The following SP4 variants were observed in gnomAD, a reference collection of about 807,000 sequenced individuals.
SP4 encodes the protein transcription factor Sp4.
Under a neutral mutation model 72.8 loss-of-function variants are expected in SP4, and 19 were observed. The ratio of observed to expected loss-of-function variants is 0.26; its 90% CI spans 0.18 to 0.38. The LOEUF is 0.38. Ranked by LOEUF, SP4 falls within the 10% of genes least tolerant of loss-of-function variation. The pLI is 1.00. For missense variants in SP4, 1,008 were observed against 926.3 expected, an observed-to-expected ratio of 1.09 and a Z score of -1.14; for synonymous variants, 395 against 333.1, an observed-to-expected ratio of 1.19 and a Z score of -2.02.
At chr7:21,429,237 C>A in intron 2 of SP4, 52 bp from the exon 3 acceptor site, 2 of 1,060,300 alleles carry the variant, frequency 1.9e-6, no homozygotes, top group East Asian at 2.5e-5. Flanking sequence ...TCCACTAAAT[C>A]CGCCCACTTT....
chr7:21,442,966 C>T (rs1783308504), intron 3 of SP4, among the ~76,000 whole-genome samples: 1 of 152,150 alleles, frequency 6.6e-6, no homozygotes, highest in African/African-American at 2.4e-5. Context: ...GAACTCCTGA[C>T]CTCAGGTGAT....
At chr7:21,465,391 C>T (rs1784134286) in intron 3 of SP4, among the ~76,000 whole-genome samples, 2 of 152,078 alleles carry the variant, frequency 1.3e-5, no homozygotes, top group Admixed American at 6.6e-5. Flanking sequence ...GAGTGTAGGG[C>T]TCTGGATTCA....
At chr7:21,473,412 T>C (rs1226821062) in intron 3 of SP4, among the ~76,000 whole-genome samples, 2 of 152,226 alleles carry the variant, frequency 1.3e-5, no homozygotes. Context: ...CTTTGATTTA[T>C]TAAGCATATG....
intron 3 of SP4, among the ~76,000 whole-genome samples, chr7:21,469,703 G>A (rs149171611): frequency 0.011 from 1,644 of 151,672 alleles, 29 homozygotes; most frequent in African/African-American, 0.035. Context: ...CACCACACCC[G>A]GCTAATTTTT....
intron 3 of SP4, among the ~76,000 whole-genome samples, chr7:21,461,469 G>C (rs1783979900): frequency 6.6e-6 from 1 of 152,238 alleles, no homozygotes; most frequent in Non-Finnish European, 1.5e-5. Context: ...CTCCGCAGCT[G>C]CTGACCCAGG....
chr7:21,454,000 A>G (rs116660231), intron 3 of SP4, among the ~76,000 whole-genome samples: 255 of 152,338 alleles, frequency 1.7e-3, no homozygotes, highest in African/African-American at 5.7e-3. Flanking sequence ...CCAAAAGTAC[A>G]TTTTACTTTA....
At chr7:21,496,507 A>G (rs2128414934) in intron 5 of SP4, among the ~76,000 whole-genome samples, 1 of 152,292 alleles carries the variant, frequency 6.6e-6, no homozygotes, top group South Asian at 2.1e-4. Context: ...CTGAAGGCTC[A>G]AGAGGCTAAT....
At chr7:21,445,008 A>T (rs547086174) in intron 3 of SP4, among the ~76,000 whole-genome samples, 10 of 152,164 alleles carry the variant, frequency 6.6e-5, no homozygotes, top group Non-Finnish European at 1.2e-4. Flanking sequence ...AATTAGAAAG[A>T]AAGTTTTTAT....
intron 5 of SP4, among the ~76,000 whole-genome samples, chr7:21,483,305 C>T (rs560879922): frequency 6.6e-6 from 1 of 151,526 alleles, no homozygotes; most frequent in Non-Finnish European, 1.5e-5. Context: ...TTATACTTTT[C>T]CCTTTCAATA....
intron 3 of SP4, among the ~76,000 whole-genome samples, chr7:21,431,801 C>T (rs1782865413): frequency 6.6e-6 from 1 of 152,104 alleles, no homozygotes; most frequent in African/African-American, 2.4e-5. Context: ...TACTTCCAGA[C>T]CTTGTTAGTT....
In SP4 at chr7:21,429,994, G is replaced by A. The variant is rs1172477252; in HGVS notation, c.829G>A (p.Gly277Arg). 17 of 1,614,044 alleles carry A rather than the reference G, an allele frequency of 1.1e-5. No individual in the cohort carries two copies. Among genetic ancestry groups the A allele is most frequent in the Non-Finnish European group, 1.3e-5 (15 of 1,180,044 alleles). Residue 277 changes from glycine to arginine, a missense_variant, in exon 3 of 6, where the codon GGA becomes AGA. Gly to Arg is a moderately radical substitution (Grantham distance 125). This residue lies in a region of SP4 where 893 missense variants were observed against 743.3 expected (regional missense o/e 1.20). Coordinates refer to ENST00000222584, the MANE Select transcript of SP4 (RefSeq NM_003112.5). Reference sequence around the variant, plus strand: ...GCCAGTGATAAACAACGTGGCTGCCGGAGGAGGGACTGGGCAGGTTGGCCA... The same window carrying A: ...GCCAGTGATAAACAACGTGGCTGCCAGAGGAGGGACTGGGCAGGTTGGCCA... ...ALPVINNVAA[G>R]GGTGQVGQPA... is the part of the protein sequence containing the mutation.
At chr7:21,458,798 C>T (rs955356979) in intron 3 of SP4, among the ~76,000 whole-genome samples, 1 of 152,058 alleles carries the variant, frequency 6.6e-6, no homozygotes, top group Admixed American at 6.5e-5. Flanking sequence ...CCTCCCCCCA[C>T]ACACGATATT....
At chr7:21,441,524 A>G (rs1783245823) in intron 3 of SP4, among the ~76,000 whole-genome samples, 1 of 152,210 alleles carries the variant, frequency 6.6e-6, no homozygotes, top group Admixed American at 6.5e-5. Context: ...TAATAAATAA[A>G]TTTGAAAAAC....
intron 5 of SP4, among the ~76,000 whole-genome samples, chr7:21,492,094 T>C (rs940639886): frequency 6.6e-6 from 1 of 152,204 alleles, no homozygotes; most frequent in African/African-American, 2.4e-5. Context: ...AACATTGTCT[T>C]GTAGATAGTC....
chr7:21,452,269 C>G (rs970166701), intron 3 of SP4, among the ~76,000 whole-genome samples: 1 of 152,206 alleles, frequency 6.6e-6, no homozygotes, highest in East Asian at 1.9e-4. Flanking sequence ...GCATAAAGCA[C>G]AGCAAGAATA....
At chr7:21,460,674 T>C (rs956776417) in intron 3 of SP4, among the ~76,000 whole-genome samples, 8 of 152,212 alleles carry the variant, frequency 5.3e-5, no homozygotes, top group African/African-American at 1.9e-4. Context: ...GAGCGCTGAT[T>C]GGTCCATTTT....
At chr7:21,467,848 G>C (rs1019573551) in intron 3 of SP4, among the ~76,000 whole-genome samples, 9 of 151,922 alleles carry the variant, frequency 5.9e-5, no homozygotes, top group African/African-American at 2.2e-4. Flanking sequence ...TGTTTTTCCT[G>C]ATCAGTTATA....
intron 3 of SP4, among the ~76,000 whole-genome samples, chr7:21,445,568 A>G (rs17144435): frequency 0.025 from 3,833 of 152,244 alleles, 76 homozygotes; most frequent in African/African-American, 0.052. Context: ...CATGTTCTTT[A>G]TTCATGGAGA....
chr7:21,509,458 T>C (rs1016690542), intron 5 of SP4, among the ~76,000 whole-genome samples: 1 of 119,204 alleles, frequency 8.4e-6, no homozygotes, highest in African/African-American at 3.5e-5. Flanking sequence ...CTCTAGGTTA[T>C]AGAAATATTT....
Sources: gnomAD v4.1 joint callset for allele counts (sites outside exome capture counted in the v4.1 genomes callset) on GRCh38, gnomAD v4.1.1 for gene constraint, gnomAD v4.1.1 regional missense constraint, MANE v1.5 for transcripts, NCBI Gene and HGNC (gene_info 2026-07-23, HGNC 2026-07-21) for gene names.